Variants in DST observed in about 807,000 individuals in gnomAD.
DST encodes dystonin.
DST carries 253 observed loss-of-function variants against 875.2 expected under a neutral mutation model. That is an observed-to-expected ratio of 0.29 (90% CI 0.26 to 0.32). The LOEUF (loss-of-function observed/expected upper bound fraction) is 0.32. Ranked by LOEUF, DST falls within the 10% of genes least tolerant of loss-of-function variation. DST has a pLI of 1.00. For missense variants in DST, 8,287 were observed against 9,111.6 expected (o/e 0.91, Z 3.68); for synonymous variants, 3,124 against 3,197.1 (o/e 0.98, Z 0.77).
At chr6:56,577,261 G>A (rs1318963622) in intron 50 of DST, among the ~76,000 whole-genome samples, 6 of 151,996 alleles carry the variant, frequency 3.9e-5, no homozygotes, top group South Asian at 2.1e-4. Flanking sequence ...ATGCCTCTTC[G>A]AGTAACATAA....
At position 56,628,118 on chromosome 6, in the gene DST, T is replaced by G. The variant is rs1232047448; in HGVS notation, c.4519A>C (p.Arg1507=). The G allele has an allele frequency of 6.2e-7, 1 of 1,613,764 alleles. No individual in the cohort carries two copies. ...EGIGKSLKYY[R]DTYHPLDDWI... ...TCATCTAAAGGATGGTAAGTGTCTCTGTAGTACTTCAGTGATTTGCCAATG... is the reference window on the plus strand; with the variant it reads ...TCATCTAAAGGATGGTAAGTGTCTCGGTAGTACTTCAGTGATTTGCCAATG... The change falls in exon 33 of 104, where the codon AGA becomes CGA. Residue 1507 remains arginine (R), a synonymous_variant. Coordinates refer to ENST00000680361, the MANE Select transcript of DST (RefSeq NM_001374736.1).
At chr6:56,760,014 T>C (rs1470928955) in intron 4 of DST, among the ~76,000 whole-genome samples, 2 of 152,174 alleles carry the variant, frequency 1.3e-5, no homozygotes, top group Admixed American at 1.3e-4. Context: ...TCTATCTCCT[T>C]ATACCCACTC....
intron 9 of DST, chr6:56,692,693 A>T: frequency 7.8e-7 from 1 of 1,289,674 alleles, no homozygotes; most frequent in Non-Finnish European, 1.0e-6. Context: ...CTCTTTGCGC[A>T]ATATGGAGTG....
intron 2 of DST, among the ~76,000 whole-genome samples, chr6:56,903,369 C>A (rs946706310): frequency 6.6e-5 from 10 of 152,216 alleles, no homozygotes; most frequent in African/African-American, 2.4e-4. Context: ...TTCTGCAAAA[C>A]AATAACTCAG....
chr6:56,476,765 A>C (rs2095213404), intron 91 of DST, among the ~76,000 whole-genome samples: 1 of 151,960 alleles, frequency 6.6e-6, no homozygotes, highest in African/African-American at 2.4e-5. Context: ...CAGCCTGACC[A>C]ACCTGGTGAA....
intron 2 of DST, among the ~76,000 whole-genome samples, chr6:56,943,307 T>A (rs994547096): frequency 2.6e-5 from 4 of 151,758 alleles, no homozygotes; most frequent in Admixed American, 2.6e-4. Context: ...TATTTTTAGA[T>A]TACAAATTGA....
In DST at chr6:56,634,847, T is replaced by A. The variant is rs755235189; in HGVS notation, c.3293A>T (p.Lys1098Ile). The A allele has an allele frequency of 6.2e-7, 1 of 1,614,072 alleles. No individual in the cohort carries two copies. Among genetic ancestry groups the A allele is most frequent in the Non-Finnish European group, 8.5e-7 (1 of 1,180,012 alleles). ...GATAGCTTTGATCGGAATAGAAGTTTTGAGTGGACAGTCAGAATTCCTTGG... is the reference window on the plus strand; with the variant it reads ...GATAGCTTTGATCGGAATAGAAGTTATGAGTGGACAGTCAGAATTCCTTGG... Reference protein sequence around the residue: ...LKPRNSDCPLKTSIPIKAICD... With the variant: ...LKPRNSDCPLITSIPIKAICD... Residue 1098 changes from lysine to isoleucine, a missense_variant, in exon 25 of 104, where the codon AAA becomes ATA. This residue lies in a region of DST where 1,160 missense variants were observed against 1,424.3 expected (regional missense o/e 0.81). Coordinates refer to ENST00000680361, the MANE Select transcript of DST (RefSeq NM_001374736.1).
rs559117587 is a variant in DST, at chr6:56,603,363, C to T, written c.10999G>A (p.Ala3667Thr). The T allele has an allele frequency of 4.3e-6, 7 of 1,610,984 alleles. No homozygotes were observed. In the African/African-American group the frequency reaches 5.3e-5, roughly 12 times the overall value. The change falls in exon 42 of 104, where the codon GCA becomes ACA. Residue 3667 changes from alanine (A) to threonine (T), a missense_variant. Around this residue, in one of 10 missense-constraint regions of DST, gnomAD observed 3,138 missense variants for 3,116.6 expected, o/e 1.01. Coordinates refer to ENST00000680361, the MANE Select transcript of DST (RefSeq NM_001374736.1). ...GGAAGAGACTTTAAAAACTCTTCTG[C>T]CAACTTCATATCTTTTCTTAAAATA... ...AVILRKDMKL[A>T]EEFLKSLPSD...
chr6:56,576,793 C>T (rs1007988645), intron 50 of DST, among the ~76,000 whole-genome samples: 2 of 152,054 alleles, frequency 1.3e-5, no homozygotes, highest in African/African-American at 4.8e-5. Flanking sequence ...AAGATAGTGG[C>T]CATCTGTAAG....
At chr6:56,790,454 C>G (rs994566261) in intron 4 of DST, among the ~76,000 whole-genome samples, 3 of 152,188 alleles carry the variant, frequency 2.0e-5, no homozygotes, top group African/African-American at 7.2e-5. Flanking sequence ...AATTCTCAGT[C>G]ACTAACACCT....
At chr6:56,928,848 A>G (rs1808615093) in intron 2 of DST, among the ~76,000 whole-genome samples, 1 of 152,158 alleles carries the variant, frequency 6.6e-6, no homozygotes, top group Non-Finnish European at 1.5e-5. Context: ...AATACTAGAT[A>G]TACTTTTACA....
chr6:56,826,211 A>G (rs943555308), intron 4 of DST, among the ~76,000 whole-genome samples: 2 of 152,234 alleles, frequency 1.3e-5, no homozygotes, highest in Non-Finnish European at 2.9e-5. Context: ...CCTCAGCCAT[A>G]AATGACCACA....
rs182431025 is a variant in DST, at chr6:56,832,386, G to C, written c.625+19011C>G. ...GAGATTCTGATGGTTTTAAAAACAG[G>C]AGTTCCCCTGCACAAGTTCTTTCTC... is the stretch of plus-strand genomic sequence containing the variant. On this transcript the variant is annotated intron_variant, in intron 4 of 103. Transcript: ENST00000680361. 2.3e-3 allele frequency among the ~76,000 whole-genome samples: 349 copies of C among 152,218 alleles called. 2 individuals carry two copies. The highest frequency in any genetic ancestry group is 2.1e-3 in the African/African-American group (86 of 41,554).
chr6:56,815,666 C>G (rs931588571), intron 4 of DST, among the ~76,000 whole-genome samples: 3 of 152,118 alleles, frequency 2.0e-5, no homozygotes, highest in Non-Finnish European at 4.4e-5. Flanking sequence ...AGAGCTTGAG[C>G]CATTTCAGAG....
At position 56,527,614 on chromosome 6, in the gene DST, C is replaced by T. The variant is rs537793986; in HGVS notation, c.17801G>A (p.Arg5934Gln). ...TLEQALQLAR[R>Q]LHSTHEELCT... ...CAGCTCTTCGTGTGTGGAGTGCAGC[C>T]GCCTTGCAAGCTGCAGCGCCTGTTC... Residue 5934 changes from arginine to glutamine, a missense_variant, in exon 68 of 104, where the codon CGG becomes CAG. Around this residue, in one of 10 missense-constraint regions of DST, gnomAD observed 777 missense variants for 764.8 expected, o/e 1.02. Coordinates refer to ENST00000680361, the MANE Select transcript of DST (RefSeq NM_001374736.1). The T allele has an allele frequency of 3.2e-5, 52 of 1,613,784 alleles. No homozygotes were observed. The African/African-American group carries it at 3.7e-4, about 12-fold the overall frequency.
Position 56,619,488 on chromosome 6 carries a change from C to CT in DST, c.4930-5005dup. ...TGGCAGATTTGTAGTCTTTCTAATT[C>CT]TTTCTCATCTCGAAAAGAATGAATT... On this transcript the variant is annotated intron_variant, in intron 36 of 103. Coordinates refer to ENST00000680361, the MANE Select transcript of DST (RefSeq NM_001374736.1). 1.2e-6 allele frequency: 2 copies of CT among 1,612,128 alleles called. No individual in the cohort carries two copies. The highest frequency in any genetic ancestry group is 1.7e-6 in the Non-Finnish European group (2 of 1,179,646).
chr6:56,866,285 A>C (rs1000466760), intron 3 of DST, among the ~76,000 whole-genome samples: 2 of 152,222 alleles, frequency 1.3e-5, no homozygotes, highest in Non-Finnish European at 2.9e-5. Context: ...GGCATGAGCC[A>C]CCATGCCCAG....
chr6:56,601,001 AC>A (rs2098440971), intron 44 of DST, among the ~76,000 whole-genome samples: 1 of 152,044 alleles, frequency 6.6e-6, no homozygotes, highest in African/African-American at 2.4e-5. Context: ...AGGTTAAGTA[AC>A]TTGCCCTAGT....
At chr6:56,592,462 A>G in intron 48 of DST, 104 bp from the exon 49 acceptor site, 1 of 933,380 alleles carries the variant, frequency 1.1e-6, no homozygotes, top group Non-Finnish European at 1.6e-6. Flanking sequence ...AAAAAAAACC[A>G]GACTTCCACC....
Sources: allele counts gnomAD v4.1 joint callset (sites outside exome capture counted in the v4.1 genomes callset), GRCh38; gene constraint gnomAD v4.1.1; regional missense constraint gnomAD v4.1.1; transcripts MANE v1.5; gene names NCBI Gene and HGNC (gene_info 2026-07-23, HGNC 2026-07-21).